Variants in VDAC2 observed in about 807,000 individuals in gnomAD.
The protein encoded by VDAC2 is non-selective voltage-gated ion channel VDAC2.
Under a neutral mutation model 36.6 loss-of-function variants are expected in VDAC2, and 6 were observed. The observed-to-expected ratio is 0.16, with a 90% CI of 0.09 to 0.32. The LOEUF (loss-of-function observed/expected upper bound fraction) is 0.32. VDAC2 is among the 10% of genes least tolerant of loss of function. The probability of loss-of-function intolerance (pLI) is 1.00; values close to 1 mark genes in which losing one functional copy is unlikely to be tolerated. For synonymous variants in VDAC2, 109 were observed against 123.8 expected (o/e 0.88, Z 0.79); for missense variants, 247 against 346.0 (o/e 0.71, Z 2.27).
intron 3 of VDAC2, among the ~76,000 whole-genome samples, chr10:75,213,306 C>G (rs1443588354): frequency 6.6e-6 from 1 of 152,074 alleles, no homozygotes. Context: ...TTTTGAACTC[C>G]TGATCTCAAG....
chr10:75,224,087 C>G (rs1380582669), intron 8 of VDAC2, among the ~76,000 whole-genome samples: 3 of 152,190 alleles, frequency 2.0e-5, no homozygotes, highest in African/African-American at 7.2e-5. Flanking sequence ...GTGGGAACCT[C>G]TGTTTAGAGG....
At chr10:75,211,015 G>T (rs925914365) in intron 1 of VDAC2, 77 bp downstream of exon 1, 2 of 946,460 alleles carry the variant, frequency 2.1e-6, no homozygotes, top group Non-Finnish European at 2.9e-6. Context: ...GCCGGACTCG[G>T]AGTCGGCCCT....
intron 4 of VDAC2, among the ~76,000 whole-genome samples, chr10:75,217,237 A>T (rs1327276186): frequency 3.3e-5 from 5 of 152,200 alleles, no homozygotes; most frequent in Admixed American, 2.0e-4. Flanking sequence ...AACCTGGGCG[A>T]CAGAGTGAGA....
intron 8 of VDAC2, among the ~76,000 whole-genome samples, chr10:75,226,945 G>A (rs992541629): frequency 2.0e-5 from 3 of 152,132 alleles, no homozygotes; most frequent in Admixed American, 6.5e-5. Context: ...TTAATTAATC[G>A]TGCCTTTGTA....
At chr10:75,216,523 A>G (rs1841610093) in intron 4 of VDAC2, among the ~76,000 whole-genome samples, 1 of 152,212 alleles carries the variant, frequency 6.6e-6, no homozygotes, top group Admixed American at 6.5e-5. Flanking sequence ...CTGGCCCCAG[A>G]TAAGTCCCAT....
At chr10:75,227,576 A>AGTTTTTTTTTTTTTTT (rs1841989654) in intron 8 of VDAC2, among the ~76,000 whole-genome samples, 4 of 90,768 alleles carry the variant, frequency 4.4e-5, no homozygotes, top group African/African-American at 2.1e-4. Flanking sequence ...AAATAATAGG[A>AGTTTTTTTTTTTTTTT]ATTTTTTTTT....
At chr10:75,212,585 A>T (rs1382420186) in intron 3 of VDAC2, among the ~76,000 whole-genome samples, 3 of 151,806 alleles carry the variant, frequency 2.0e-5, no homozygotes, top group Non-Finnish European at 4.4e-5. Context: ...CACCTGGCTA[A>T]TTTTTTTTAT....
intron 8 of VDAC2, among the ~76,000 whole-genome samples, chr10:75,227,577 A>ATTTTTTTTTTTTTTTTTTTTT (rs35378957): frequency 6.0e-5 from 6 of 99,928 alleles, no homozygotes; most frequent in African/African-American, 2.3e-4. Flanking sequence ...AATAATAGGA[A>ATTTTTTTTTTTTTTTTTTTTT]TTTTTTTTTT....
intron 8 of VDAC2, among the ~76,000 whole-genome samples, chr10:75,228,210 A>G (rs139818984): frequency 3.8e-4 from 57 of 150,440 alleles, no homozygotes; most frequent in African/African-American, 1.2e-3. Flanking sequence ...AGGAATGTCT[A>G]TCCAGCTGTC....
chr10:75,213,529 G>A (rs904242478), intron 3 of VDAC2, among the ~76,000 whole-genome samples: 5 of 152,142 alleles, frequency 3.3e-5, no homozygotes, highest in Admixed American at 2.0e-4. Context: ...CAGATCACGA[G>A]GTCAGGAGAT....
chr10:75,213,626 C>T (rs1841500764), intron 3 of VDAC2, among the ~76,000 whole-genome samples: 1 of 152,076 alleles, frequency 6.6e-6, no homozygotes, highest in Admixed American at 6.5e-5. Flanking sequence ...CACCTGTAGT[C>T]CCAACTACTC....
At chr10:75,213,511 G>T (rs994923846) in intron 3 of VDAC2, among the ~76,000 whole-genome samples, 3 of 152,120 alleles carry the variant, frequency 2.0e-5, no homozygotes, top group Non-Finnish European at 4.4e-5. Flanking sequence ...TTGGGAGGCC[G>T]AGGCGGGCAG....
chr10:75,219,283 ATTACT>A lies in VDAC2; in HGVS notation c.304-18_304-14del. On this transcript the variant is annotated splice_polypyrimidine_tract_variant and intron_variant, in intron 5 of 9. Transcript: ENST00000332211. ...TTTGTATTTCAAAAAAAGAAAACAA[ATTACT>A]TTTCTTTCAAAATAGATTTGTCAAG... 1.3e-6 allele frequency: 2 copies of A among 1,578,408 alleles called. No homozygotes were observed. Among genetic ancestry groups the A allele is most frequent in the Non-Finnish European group, 1.7e-6 (2 of 1,165,626 alleles).
rs1457883136 is a variant in VDAC2, at chr10:75,219,093, G to T, written c.181G>T (p.Asp61Tyr). 2 of 1,610,724 alleles carry T rather than the reference G, an allele frequency of 1.2e-6. No homozygotes were observed. Among genetic ancestry groups the T allele is most frequent in the Non-Finnish European group, 1.7e-6 (2 of 1,179,292 alleles). ...TTCAACGTCCGGTTCATCTAATACA[G>T]ACACTGGTAAAGTTACTGGGACCTT... is the stretch of plus-strand genomic sequence containing the variant. ...EFSTSGSSNTDTGKVTGTLET... is the reference protein window; with the variant it reads ...EFSTSGSSNTYTGKVTGTLET... Residue 61 changes from aspartate (D) to tyrosine (Y), a missense_variant, in exon 5 of 10, where the codon GAC (aspartate) becomes TAC (tyrosine). Asp to Tyr is a radical substitution (Grantham distance 160). Coordinates refer to ENST00000332211, the MANE Select transcript of VDAC2 (RefSeq NM_001391963.1).
intron 2 of VDAC2, chr10:75,211,524 T>C (rs1403193343): frequency 6.5e-7 from 1 of 1,547,270 alleles, no homozygotes; most frequent in African/African-American, 1.4e-5. Flanking sequence ...CAGTCCCTCT[T>C]GTGAGAGCGC....
intron 4 of VDAC2, chr10:75,217,839 C>G: frequency 8.9e-7 from 1 of 1,118,714 alleles, no homozygotes; most frequent in South Asian, 1.4e-5. Flanking sequence ...AGAAGGTTGA[C>G]TGGCCTTTCC....
intron 8 of VDAC2, among the ~76,000 whole-genome samples, chr10:75,225,631 A>G (rs901279381): frequency 2.0e-5 from 3 of 152,212 alleles, no homozygotes; most frequent in Non-Finnish European, 4.4e-5. Flanking sequence ...CAAGGAAGGA[A>G]AAAAAGAACA....
At chr10:75,218,418 C>T (rs1266855986) in intron 4 of VDAC2, among the ~76,000 whole-genome samples, 1 of 152,152 alleles carries the variant, frequency 6.6e-6, no homozygotes, top group Non-Finnish European at 1.5e-5. Context: ...CTCAGTCCCC[C>T]ATTGATTTTT....
At chr10:75,222,445 G>C (rs1841841105) in intron 8 of VDAC2, 43 bp downstream of exon 8, 4 of 1,610,010 alleles carry the variant, frequency 2.5e-6, no homozygotes, top group Non-Finnish European at 3.4e-6. Context: ...TTGGTTGTGG[G>C]AATGAGTCTT....
Sources: allele counts gnomAD v4.1 joint callset (sites outside exome capture counted in the v4.1 genomes callset), GRCh38; gene constraint gnomAD v4.1.1; transcripts MANE v1.5; gene names NCBI Gene and HGNC (gene_info 2026-07-23, HGNC 2026-07-21).